Variants in RALYL observed in about 807,000 individuals in gnomAD.
RALYL encodes the protein RALY RNA binding protein like, also known as RNA-binding Raly-like protein.
Under a neutral mutation model 35.1 loss-of-function variants are expected in RALYL, and 29 were observed. That is an observed-to-expected ratio of 0.83 (90% CI 0.61 to 1.13). The LOEUF is 1.13. Among genes scored for constraint, RALYL ranks in the 50% most tolerant of loss-of-function variants. The pLI, the probability that RALYL is intolerant of heterozygous loss-of-function variation, is 0.00. For synonymous variants in RALYL, 120 were observed against 127.6 expected (o/e 0.94, Z 0.40); for missense variants, 359 against 360.4 (o/e 1.00, Z 0.03).
Position 84,832,361 on chromosome 8 carries a change from G to A in RALYL, c.366-17619G>A, listed in dbSNP as rs111857426. Among the ~76,000 whole-genome samples the A allele has an allele frequency of 3.8e-3, 582 of 152,004 alleles. 2 individuals are homozygous for A. Among genetic ancestry groups the A allele is most frequent in the Non-Finnish European group, 6.7e-3 (457 of 67,918 alleles). ...CTTTCTGGTTTACTTTGGCTTATAG[G>A]TTGCTCTTTTTCTAATGAGATTAGG... is the stretch of plus-strand genomic sequence containing the variant. On this transcript the variant is annotated intron_variant, in intron 4 of 8. Transcript: ENST00000521268.
chr8:84,768,168 A>G (rs770201741), intron 2 of RALYL, among the ~76,000 whole-genome samples: 46 of 152,180 alleles, frequency 3.0e-4, no homozygotes, highest in Non-Finnish European at 5.0e-4. Context: ...ATAATCAGGG[A>G]ACAAAACCTC....
intron 4 of RALYL, among the ~76,000 whole-genome samples, chr8:84,808,332 C>A (rs746766851): frequency 6.6e-6 from 1 of 152,060 alleles, no homozygotes; most frequent in Non-Finnish European, 1.5e-5. Context: ...GGGTTTATTT[C>A]TGGGTTCTCT....
intron 2 of RALYL, among the ~76,000 whole-genome samples, chr8:84,556,731 G>C (rs1447874929): frequency 4.6e-5 from 7 of 152,092 alleles, no homozygotes; most frequent in Admixed American, 3.9e-4. Context: ...TGCTTTAAAT[G>C]TGCTCACGTG....
At position 84,183,486 on chromosome 8, in the gene RALYL, T is replaced by C. The variant is rs1412980577; in HGVS notation, c.-962T>C. On this transcript the variant is annotated 5_prime_UTR_variant, in exon 1 of 9. Transcript: ENST00000521268. ...ACGTGTCAGTGCCTGAGGCAGAGAC[T>C]GCGAGAAAAAAACGCGCTTCATTCC... 1 of 152,436 alleles carries C rather than the reference T, an allele frequency of 6.6e-6. No individual in the cohort carries two copies. Among genetic ancestry groups the C allele is most frequent in the Non-Finnish European group, 1.5e-5 (1 of 68,100 alleles). The allele number at this position is 152,436 out of a possible 1,614,324, so 9.4% of individuals were successfully genotyped here. A position where few individuals can be genotyped will look rare whatever the true frequency, so the allele number is the denominator to read the frequency against.
intron 2 of RALYL, among the ~76,000 whole-genome samples, chr8:84,611,134 A>G: frequency 6.6e-6 from 1 of 152,088 alleles, no homozygotes. Flanking sequence ...ATCACAGTTT[A>G]TCCTACTTTA....
intron 1 of RALYL, among the ~76,000 whole-genome samples, chr8:84,357,480 T>G (rs1329881021): frequency 2.0e-5 from 3 of 151,936 alleles, no homozygotes; most frequent in African/African-American, 7.2e-5. Context: ...AGGATAACAC[T>G]AATTGTAAGG....
chr8:84,437,830 A>G (rs1411321761), intron 1 of RALYL, among the ~76,000 whole-genome samples: 5 of 151,996 alleles, frequency 3.3e-5, no homozygotes, highest in African/African-American at 4.8e-5. Context: ...TCATCATGTG[A>G]TGTGCTCCCT....
At chr8:84,687,803 G>A (rs1837141015) in intron 2 of RALYL, among the ~76,000 whole-genome samples, 1 of 151,992 alleles carries the variant, frequency 6.6e-6, no homozygotes, top group Admixed American at 6.6e-5. Context: ...CTTGAAGACA[G>A]TTGTGTCATT....
chr8:84,591,196 TGA>T (rs1380745267), intron 2 of RALYL, among the ~76,000 whole-genome samples: 1 of 152,168 alleles, frequency 6.6e-6, no homozygotes, highest in Non-Finnish European at 1.5e-5. Flanking sequence ...GTGAAGAGTC[TGA>T]GTTTTTACCC....
At chr8:84,711,595 A>T (rs1243831225) in intron 2 of RALYL, among the ~76,000 whole-genome samples, 2 of 152,132 alleles carry the variant, frequency 1.3e-5, no homozygotes, top group Non-Finnish European at 2.9e-5. Context: ...TTACATTTTG[A>T]TAGAATTGTT....
chr8:84,196,332 A>G (rs1372219366), intron 1 of RALYL, among the ~76,000 whole-genome samples: 2 of 152,192 alleles, frequency 1.3e-5, no homozygotes, highest in African/African-American at 4.8e-5. Flanking sequence ...AATAGCCATG[A>G]ACAAGCTTTC....
intron 1 of RALYL, among the ~76,000 whole-genome samples, chr8:84,197,345 A>G (rs908357254): frequency 6.6e-6 from 1 of 152,148 alleles, no homozygotes; most frequent in Non-Finnish European, 1.5e-5. Context: ...GTTTCTTCTG[A>G]GTCTCACATG....
At chr8:84,843,235 A>T (rs1469572799) in intron 4 of RALYL, among the ~76,000 whole-genome samples, 1 of 152,186 alleles carries the variant, frequency 6.6e-6, no homozygotes, top group Non-Finnish European at 1.5e-5. Flanking sequence ...CTCAGCCCAA[A>T]ATCTCCTTAA....
chr8:84,538,654 A>G (rs967040543), intron 2 of RALYL, among the ~76,000 whole-genome samples: 1 of 152,200 alleles, frequency 6.6e-6, no homozygotes, highest in African/African-American at 2.4e-5. Flanking sequence ...ATTGTGGAGT[A>G]AAATATTTAT....
chr8:84,689,583 G>T lies in RALYL; in HGVS notation c.257-84996G>T, dbSNP rs564892210. ...AGCAGCATGATTTATAGTCCTTTGG[G>T]TATATACCCAGTAATGGGATGGCTG... On this transcript the variant is annotated intron_variant, in intron 2 of 8. Transcript: ENST00000521268. Among the ~76,000 whole-genome samples the T allele has an allele frequency of 1.8e-3, 267 of 152,126 alleles. 1 individual carries two copies. The highest frequency in any genetic ancestry group is 6.1e-3 in the African/African-American group (252 of 41,526).
chr8:84,267,613 T>C (rs1215587803), intron 1 of RALYL, among the ~76,000 whole-genome samples: 2 of 152,150 alleles, frequency 1.3e-5, no homozygotes, highest in African/African-American at 4.8e-5. Context: ...GTTAAGTTCT[T>C]TTTCTCCTGC....
intron 5 of RALYL, among the ~76,000 whole-genome samples, chr8:84,859,539 G>A (rs905002050): frequency 2.0e-5 from 3 of 152,044 alleles, no homozygotes; most frequent in African/African-American, 4.8e-5. Context: ...TTGGTAAAAC[G>A]TTACCCAATA....
intron 2 of RALYL, among the ~76,000 whole-genome samples, chr8:84,619,221 G>T (rs890511285): frequency 1.3e-5 from 2 of 151,744 alleles, no homozygotes; most frequent in Non-Finnish European, 1.5e-5. Flanking sequence ...ATTAATGTGT[G>T]GCAGTCCAAG....
At chr8:84,719,094 CTTT>C (rs1314933268) in intron 2 of RALYL, among the ~76,000 whole-genome samples, 1 of 152,026 alleles carries the variant, frequency 6.6e-6, no homozygotes, top group Non-Finnish European at 1.5e-5. Context: ...TAGAGTTTAT[CTTT>C]GTTATGGATT....
Sources: gnomAD v4.1 joint callset for allele counts (sites outside exome capture counted in the v4.1 genomes callset) on GRCh38, gnomAD v4.1.1 for gene constraint, MANE v1.5 for transcripts, NCBI Gene and HGNC (gene_info 2026-07-23, HGNC 2026-07-21) for gene names.